Variants in C6orf118 observed in about 807,000 individuals in gnomAD.
C6orf118 encodes the protein chromosome 6 open reading frame 118.
In C6orf118, 50 loss-of-function variants were observed where a neutral mutation model predicts 50.2. The ratio of observed to expected loss-of-function variants is 1.00; its 90% CI spans 0.79 to 1.26. The LOEUF (loss-of-function observed/expected upper bound fraction) is 1.26, where lower values mean the gene tolerates loss of function less well. Among genes scored for constraint, C6orf118 ranks in the 50% most tolerant of loss-of-function variants. The pLI is 0.00. For synonymous variants in C6orf118, 239 were observed against 230.9 expected, an observed-to-expected ratio of 1.03 and a Z score of -0.32; for missense variants, 641 against 578.7, an observed-to-expected ratio of 1.11 and a Z score of -1.10.
chr6:165,300,259 G>T, intron 3 of C6orf118, 105 bp downstream of exon 3: 1 of 1,340,828 alleles, frequency 7.5e-7, no homozygotes. Context: ...TGTAGAAGGG[G>T]GCCTGTGATA....
rs192980063 is a variant in C6orf118, at chr6:165,299,647, C to T, written c.877-145G>A. ...TAAAATGTTCCCACAATGCATTAAA[C>T]GGTATACATGCTCACATTGATAAAA... On this transcript the variant is annotated intron_variant, in intron 3 of 8. Transcript: ENST00000230301. The T allele has an allele frequency of 1.9e-3, 1,160 of 615,508 alleles. 4 individuals are homozygous for T. The highest frequency in any genetic ancestry group is 1.9e-3 in the South Asian group (89 of 46,762). 38.1% of individuals were successfully genotyped at this position (615,508 alleles called of 1,614,324 possible).
chr6:165,306,462 C>G (rs1780731904), intron 1 of C6orf118, among the ~76,000 whole-genome samples: 2 of 110,796 alleles, frequency 1.8e-5, no homozygotes, highest in African/African-American at 8.3e-5. Flanking sequence ...TACCCTAAAA[C>G]TTAGAGTATA....
chr6:165,293,446 C>G lies in C6orf118; in HGVS notation c.1087G>C (p.Val363Leu), dbSNP rs9459350. ...DRLRSELEME[V>L]ALLQSAKERS... The stretch of plus-strand genomic sequence containing the variant: ...TCCTTTGCAGACTGCAGCAATGCCA[C>G]CTCCATCTCCAGTTCACTTCTGAGT... Residue 363 changes from valine (V) to leucine (L), a missense_variant, in exon 6 of 9, where the codon GTG becomes CTG. By Grantham distance (32) the Val-to-Leu change is conservative. Coordinates refer to ENST00000230301, the MANE Select transcript of C6orf118 (RefSeq NM_144980.4). 137,432 of 1,613,048 alleles carry G rather than the reference C, an allele frequency of 0.085. 8,540 individuals are homozygous for G. The highest frequency in any genetic ancestry group is 0.32 in the African/African-American group (23,817 of 74,946).
chr6:165,301,941 C>G lies in C6orf118; in HGVS notation c.381G>C (p.Pro127=), dbSNP rs202048007. ...CCTGGGGGTTCAGGTACCTGAACAGCGGGGTGTCCTGGGCCTCACTGGGGA... is the reference window on the plus strand; with the variant it reads ...CCTGGGGGTTCAGGTACCTGAACAGGGGGGTGTCCTGGGCCTCACTGGGGA... ...ALVPSEAQDT[P]LFRYLNPQAS... The change falls in exon 2 of 9, where the codon CCG becomes CCC. Residue 127 remains proline, a synonymous_variant. Coordinates refer to ENST00000230301, the MANE Select transcript of C6orf118 (RefSeq NM_144980.4). The G allele has an allele frequency of 9.3e-6, 15 of 1,613,678 alleles. No homozygotes were observed. The South Asian group carries it at 1.6e-4, about 18-fold the overall frequency.
intron 2 of C6orf118, among the ~76,000 whole-genome samples, chr6:165,300,851 C>A (rs1780502224): frequency 6.6e-6 from 1 of 152,076 alleles, no homozygotes; most frequent in Non-Finnish European, 1.5e-5. Context: ...GCATCGTCCC[C>A]ATTTGGAGGT....
chr6:165,282,855 T>A (rs1318799897), intron 7 of C6orf118, among the ~76,000 whole-genome samples: 1 of 152,136 alleles, frequency 6.6e-6, no homozygotes, highest in East Asian at 1.9e-4. Flanking sequence ...TTGTTTTATC[T>A]AAGGAGGTTT....
intron 1 of C6orf118, among the ~76,000 whole-genome samples, chr6:165,306,915 T>TTG (rs113585180): frequency 0.2 from 30,310 of 151,886 alleles, 3,426 homozygotes; most frequent in African/African-American, 0.28. Flanking sequence ...TCTGAAAACA[T>TTG]TGTGTGTGTC....
rs760645691 is a variant in C6orf118 at position 165,289,898 on chromosome 6, A to G, written c.1290T>C (p.Ile430=). ...ATAAGTTGCGTACCTCTATGCTTTT[A>G]ATCCTATTCTCAGTGATATCTGAAA... The part of the protein sequence containing the change: ...TGISDITENR[I]KSIEHEAIQL... Residue 430 remains isoleucine (I), a synonymous_variant, in exon 7 of 9, where the codon ATT becomes ATC. Coordinates refer to ENST00000230301, the MANE Select transcript of C6orf118 (RefSeq NM_144980.4). 15 of 1,593,974 alleles carry G rather than the reference A, an allele frequency of 9.4e-6. No homozygotes were observed. Among genetic ancestry groups the G allele is most frequent in the Non-Finnish European group, 1.3e-5 (15 of 1,173,038 alleles).
At chr6:165,308,996 A>G (rs1780844589) in intron 1 of C6orf118, among the ~76,000 whole-genome samples, 1 of 152,208 alleles carries the variant, frequency 6.6e-6, no homozygotes, top group Non-Finnish European at 1.5e-5. Flanking sequence ...GGTGGTGGGA[A>G]AAAGCGAAGG....
chr6:165,307,192 A>T (rs1780766726), intron 1 of C6orf118, among the ~76,000 whole-genome samples: 1 of 149,814 alleles, frequency 6.7e-6, no homozygotes, highest in Non-Finnish European at 1.5e-5. Flanking sequence ...GTTTCTTTGG[A>T]AATGTATCCA....
At chr6:165,306,535 C>G (rs1395562673) in intron 1 of C6orf118, among the ~76,000 whole-genome samples, 1 of 39,710 alleles carries the variant, frequency 2.5e-5, no homozygotes, top group East Asian at 1.2e-3. Flanking sequence ...TAGGTGAATG[C>G]AAAAAAAAAA....
Position 165,298,009 on chromosome 6 carries a change from T to G in C6orf118, c.1029A>C (p.Thr343=). 1 of 1,614,034 alleles carries G rather than the reference T, an allele frequency of 6.2e-7. No homozygotes were observed. Among genetic ancestry groups the G allele is most frequent in the East Asian group, 2.2e-5 (1 of 44,872 alleles). ...TCTGCTCCAGGGCTGCTTTTGTGGC[T>G]GTCACGAGCATCCTCAGCTCTTCCC... ...LAREELRMLV[T]ATKAALEQND... Residue 343 remains threonine (T), a synonymous_variant, in exon 5 of 9, where the codon ACA becomes ACC. Coordinates refer to ENST00000230301, the MANE Select transcript of C6orf118 (RefSeq NM_144980.4).
At chr6:165,292,134 C>A (rs756108054) in intron 6 of C6orf118, among the ~76,000 whole-genome samples, 2 of 152,044 alleles carry the variant, frequency 1.3e-5, no homozygotes, top group Admixed American at 1.3e-4. Context: ...AGGTTTCAGC[C>A]CAAAACCATC....
At chr6:165,283,605 C>G (rs1419097738) in intron 7 of C6orf118, among the ~76,000 whole-genome samples, 1 of 152,178 alleles carries the variant, frequency 6.6e-6, no homozygotes, top group Non-Finnish European at 1.5e-5. Flanking sequence ...GACAAAGCTC[C>G]CAGAGGAAGG....
In C6orf118 at chr6:165,289,883, T is replaced by C. The variant is rs774131750; in HGVS notation, c.1302+3A>G. ...TAAATATTTAAATAAATAAGTTGCG[T>C]ACCTCTATGCTTTTAATCCTATTCT... On this transcript the variant is annotated splice_donor_region_variant and intron_variant, in intron 7 of 8. Coordinates refer to ENST00000230301, the MANE Select transcript of C6orf118 (RefSeq NM_144980.4). 2 of 1,561,496 alleles carry C rather than the reference T, an allele frequency of 1.3e-6. No individual in the cohort carries two copies. Among genetic ancestry groups the C allele is most frequent in the Non-Finnish European group, 1.7e-6 (2 of 1,156,376 alleles).
intron 2 of C6orf118, 130 bp downstream of exon 2, chr6:165,301,439 T>G (rs1245346228): frequency 7.8e-7 from 1 of 1,286,532 alleles, no homozygotes; most frequent in South Asian, 1.4e-5. Context: ...CCGAGAACAC[T>G]GCCCCAAGAG....
At chr6:165,294,060 C>T (rs891547111) in intron 5 of C6orf118, among the ~76,000 whole-genome samples, 2 of 151,934 alleles carry the variant, frequency 1.3e-5, no homozygotes, top group African/African-American at 4.8e-5. Context: ...TCCTGGCTAA[C>T]ACGGTGAAAC....
chr6:165,299,677 A>C (rs1251680273), intron 3 of C6orf118, among the ~76,000 whole-genome samples, 175 bp from the exon 4 acceptor site: 1 of 152,240 alleles, frequency 6.6e-6, no homozygotes, highest in Non-Finnish European at 1.5e-5. Flanking sequence ...ATAAAATCAC[A>C]CCATCTTTGA....
In C6orf118 at chr6:165,279,967, CT is replaced by C. The variant is rs1779671916; in HGVS notation, c.*89del. On this transcript the variant is annotated 3_prime_UTR_variant, in exon 9 of 9. Coordinates refer to ENST00000230301, the MANE Select transcript of C6orf118 (RefSeq NM_144980.4). ...TTAAAGCTGATGAAATGAAATGTATCTTTATGAATGTATATGCATCTGCAAA... is the reference window on the plus strand; with the variant it reads ...TTAAAGCTGATGAAATGAAATGTATCTTATGAATGTATATGCATCTGCAAA... 7.8e-7 allele frequency: 1 copy of C among 1,275,374 alleles called. No individual in the cohort carries two copies. The highest frequency in any genetic ancestry group is 2.4e-5 in the East Asian group (1 of 41,796). 79.0% of individuals were successfully genotyped at this position (1,275,374 alleles called of 1,614,324 possible). A position where few individuals can be genotyped will look rare whatever the true frequency, so the allele number is the denominator to read the frequency against.
Sources: gnomAD v4.1 joint callset for allele counts (sites outside exome capture counted in the v4.1 genomes callset) on GRCh38, gnomAD v4.1.1 for gene constraint, MANE v1.5 for transcripts, NCBI Gene and HGNC (gene_info 2026-07-23, HGNC 2026-07-21) for gene names.